The following TUBD1 variants were observed in gnomAD, a reference collection of about 807,000 sequenced individuals.
The protein encoded by TUBD1 is tubulin delta chain.
In TUBD1, 38 loss-of-function variants were observed where a neutral mutation model predicts 51.2. The observed-to-expected ratio is 0.74, with a 90% CI of 0.57 to 0.97. The LOEUF (loss-of-function observed/expected upper bound fraction) is 0.97, where lower values mean the gene tolerates loss of function less well. Ranked by LOEUF, TUBD1 falls within the 50% of genes least tolerant of loss-of-function variation. The pLI, the probability that TUBD1 is intolerant of heterozygous loss-of-function variation, is 0.00. For synonymous variants in TUBD1, 169 were observed against 178.2 expected, an observed-to-expected ratio of 0.95 and a Z score of 0.41; for missense variants, 489 against 538.4, an observed-to-expected ratio of 0.91 and a Z score of 0.91.
At chr17:59,878,366 T>C (rs758803857) in intron 4 of TUBD1, 32 bp from the exon 5 acceptor site, 1 of 1,481,924 alleles carries the variant, frequency 6.7e-7, no homozygotes, top group Non-Finnish European at 9.4e-7. Context: ...AAAAGAAAGG[T>C]AGGAGAGAAT....
At position 59,890,937 on chromosome 17, in the gene TUBD1, A is replaced by G. The variant is rs769293559; in HGVS notation, c.66T>C (p.Ala22=). Residue 22 remains alanine, a synonymous_variant, in exon 2 of 9, where the codon GCT becomes GCC. Transcript: ENST00000325752. ...GGGAACTGTGTGAGTCACTAAGCAA[A>G]GCATCAAAAACTTCAAAACCAATCT... is the stretch of plus-strand genomic sequence containing the variant. ...GNQIGFEVFD[A]LLSDSHSSQG... 151 of 1,613,882 alleles carry G rather than the reference A, an allele frequency of 9.4e-5. No homozygotes were observed. Among genetic ancestry groups the G allele is most frequent in the Non-Finnish European group, 1.3e-4 (148 of 1,179,998 alleles).
chr17:59,889,902 G>A (rs2040916193), intron 2 of TUBD1, among the ~76,000 whole-genome samples: 1 of 150,510 alleles, frequency 6.6e-6, no homozygotes. Flanking sequence ...CACGGGAGGT[G>A]GAGGTTACAG....
At chr17:59,866,481 T>C in intron 7 of TUBD1, 128 bp downstream of exon 7, 1 of 1,150,712 alleles carries the variant, frequency 8.7e-7, no homozygotes, top group South Asian at 1.6e-5. Flanking sequence ...TGGTCAAATT[T>C]TGCCACTAAA....
At chr17:59,871,699 G>C (rs991265058) in intron 6 of TUBD1, among the ~76,000 whole-genome samples, 1 of 152,180 alleles carries the variant, frequency 6.6e-6, no homozygotes, top group African/African-American at 2.4e-5. Context: ...AGTCAGTCCA[G>C]AATGGAATGG....
At chr17:59,880,615 C>T (rs575092731) in intron 4 of TUBD1, among the ~76,000 whole-genome samples, 41 of 151,924 alleles carry the variant, frequency 2.7e-4, no homozygotes, top group African/African-American at 9.7e-4. Context: ...CATGGGTTCA[C>T]GCTATACTCC....
At chr17:59,866,550 T>A (rs750142509) in intron 7 of TUBD1, 59 bp downstream of exon 7, 71 of 1,588,452 alleles carry the variant, frequency 4.5e-5, no homozygotes, top group Non-Finnish European at 5.6e-5. Context: ...AAACCATTTG[T>A]ACCATATAGC....
At chr17:59,873,822 G>A (rs1453418680) in intron 6 of TUBD1, among the ~76,000 whole-genome samples, 2 of 151,784 alleles carry the variant, frequency 1.3e-5, no homozygotes, top group African/African-American at 2.4e-5. Flanking sequence ...CCGAGATCGC[G>A]CCACTGCACT....
At position 59,892,822 on chromosome 17, in the gene TUBD1, T is replaced by G; in HGVS notation, c.-165A>C. On this transcript the variant is annotated 5_prime_UTR_variant, in exon 1 of 9. Transcript: ENST00000325752. ...ATGCGCATGTTCCATAAACGGAGAG[T>G]TTTGTTGTGTATATATTTTTTCCTA... 1.0e-5 allele frequency: 2 copies of G among 198,454 alleles called. No homozygotes were observed. The highest frequency in any genetic ancestry group is 2.1e-5 in the Non-Finnish European group (2 of 94,804). 12.3% of individuals were successfully genotyped at this position (198,454 alleles called of 1,614,324 possible).
chr17:59,890,149 T>C (rs1261874204), intron 2 of TUBD1, among the ~76,000 whole-genome samples: 2 of 152,084 alleles, frequency 1.3e-5, no homozygotes, highest in Non-Finnish European at 2.9e-5. Context: ...AAACAGTAGT[T>C]GGATCTGGTG....
chr17:59,862,742 T>TTTTTTTC (rs1491573234), intron 8 of TUBD1, among the ~76,000 whole-genome samples: 1 of 125,126 alleles, frequency 8.0e-6, no homozygotes, highest in Non-Finnish European at 1.7e-5. Flanking sequence ...TTTTTTTTTT[T>TTTTTTTC]GAGACGGAGT....
In TUBD1 at chr17:59,878,245, G is replaced by C. The variant is rs186134246; in HGVS notation, c.627C>G (p.Ile209Met). 1.9e-6 allele frequency: 3 copies of C among 1,614,078 alleles called. No homozygotes were observed. The highest frequency in any genetic ancestry group is 4.5e-5 in the East Asian group (2 of 44,864). ...DALLLHENDAIHKICAKLMNI... is the reference protein window; with the variant it reads ...DALLLHENDAMHKICAKLMNI... ...TCATCAGTTTTGCACAGATCTTATG[G>C]ATGGCATCATTCTCATGAAGAAGGA... Residue 209 changes from isoleucine (I) to methionine (M), a missense_variant, in exon 5 of 9, where the codon ATC becomes ATG. Coordinates refer to ENST00000325752, the MANE Select transcript of TUBD1 (RefSeq NM_016261.4).
Position 59,867,796 on chromosome 17 carries a change from G to A in TUBD1, c.935-1047C>T, listed in dbSNP as rs577539539. Among the ~76,000 whole-genome samples, 30 of 152,092 alleles carry A rather than the reference G, an allele frequency of 2.0e-4. 1 individual carries two copies. The South Asian group carries it at 3.5e-3, about 18-fold the overall frequency. On this transcript the variant is annotated intron_variant, in intron 6 of 8. Transcript: ENST00000325752. ...GAGGGGAGGAGTGTACTGTGCATGT[G>A]GGAGGACATGACTTAGGGACAGCGC...
rs1257840627 is a variant in TUBD1 at position 59,859,867 on chromosome 17, T to C, written c.*455A>G. ...TTATAAAAGCACCATTTTTTTTTCT[T>C]ACAAATGAAATACCAAGTGAATGTT... On this transcript the variant is annotated 3_prime_UTR_variant, in exon 9 of 9. Transcript: ENST00000325752. 6.6e-6 allele frequency: 1 copy of C among 152,188 alleles called. No homozygotes were observed. Among genetic ancestry groups the C allele is most frequent in the Non-Finnish European group, 1.5e-5 (1 of 68,066 alleles). 9.4% of individuals were successfully genotyped at this position (152,188 alleles called of 1,614,324 possible).
chr17:59,876,498 G>C (rs2040233006), intron 5 of TUBD1, among the ~76,000 whole-genome samples: 1 of 151,900 alleles, frequency 6.6e-6, no homozygotes, highest in Non-Finnish European at 1.5e-5. Context: ...GGGATTACAG[G>C]CATGTGCCAC....
At position 59,890,966 on chromosome 17, in the gene TUBD1, T is replaced by G. The variant is rs2040972777; in HGVS notation, c.37A>C (p.Asn13His). The stretch of plus-strand genomic sequence containing the variant: ...TCAAAAACTTCAAAACCAATCTGAT[T>G]GCCACACTGACCAAGTTGCACTGTT... ...IVTVQLGQCG[N>H]QIGFEVFDAL... Residue 13 changes from asparagine (N) to histidine (H), a missense_variant, in exon 2 of 9, where the codon AAT becomes CAT. Physicochemically the swap from Asn to His is moderately conservative, Grantham distance 68 (BLOSUM62 1). Coordinates refer to ENST00000325752, the MANE Select transcript of TUBD1 (RefSeq NM_016261.4). 3 of 1,613,782 alleles carry G rather than the reference T, an allele frequency of 1.9e-6. No homozygotes were observed. In the East Asian group the frequency reaches 6.7e-5, roughly 36 times the overall value.
At chr17:59,888,709 G>A (rs1389075260) in intron 2 of TUBD1, among the ~76,000 whole-genome samples, 1 of 151,506 alleles carries the variant, frequency 6.6e-6, no homozygotes, top group Non-Finnish European at 1.5e-5. Flanking sequence ...GAGGTTCAAG[G>A]AGAGAGTTGT....
chr17:59,862,216 G>C (rs2039484250), intron 8 of TUBD1, among the ~76,000 whole-genome samples: 1 of 151,252 alleles, frequency 6.6e-6, no homozygotes, highest in Admixed American at 6.6e-5. Context: ...CCAGCTACTT[G>C]GGAGGCTGAG....
chr17:59,863,894 A>T, intron 7 of TUBD1, 47 bp from the exon 8 acceptor site: 1 of 1,329,332 alleles, frequency 7.5e-7, no homozygotes, highest in Non-Finnish European at 9.9e-7. Flanking sequence ...ATAAATTAGT[A>T]ATTGTGAAAA....
At chr17:59,881,679 C>A (rs1019105517) in intron 3 of TUBD1, among the ~76,000 whole-genome samples, 21 of 108,132 alleles carry the variant, frequency 1.9e-4, no homozygotes, top group Non-Finnish European at 2.2e-4. Context: ...TCTCTTTAAG[C>A]TATTTTCTTT....
Sources: gnomAD v4.1 joint callset for allele counts (sites outside exome capture counted in the v4.1 genomes callset) on GRCh38, gnomAD v4.1.1 for gene constraint, MANE v1.5 for transcripts, NCBI Gene and HGNC (gene_info 2026-07-23, HGNC 2026-07-21) for gene names.